NPHP4: variants seen among roughly 807,000 people sequenced by gnomAD.
NPHP4 encodes the protein nephrocystin 4.
NPHP4 carries 151 observed loss-of-function variants against 155.8 expected under a neutral mutation model. The ratio of observed to expected loss-of-function variants is 0.97; its 90% CI spans 0.85 to 1.11. The LOEUF (loss-of-function observed/expected upper bound fraction) is 1.11. NPHP4 is among the 50% of genes least tolerant of loss of function. NPHP4 has a pLI of 0.00. For synonymous variants in NPHP4, 845 were observed against 816.8 expected, an observed-to-expected ratio of 1.03 and a Z score of -0.59; for missense variants, 1,956 against 1,925.7, an observed-to-expected ratio of 1.02 and a Z score of -0.29.
intron 3 of NPHP4, among the ~76,000 whole-genome samples, chr1:5,974,173 A>C (rs1304279246): frequency 6.6e-6 from 1 of 152,210 alleles, no homozygotes; most frequent in Non-Finnish European, 1.5e-5. Context: ...GCCGCTCAAG[A>C]GGGGCTTTCT....
intron 29 of NPHP4, 96 bp from the exon 30 acceptor site, chr1:5,863,501 A>T: frequency 6.8e-7 from 1 of 1,480,136 alleles, no homozygotes; most frequent in Non-Finnish European, 9.3e-7. Flanking sequence ...TTCCAAGGGG[A>T]GCTGACAAGG....
chr1:5,961,048 T>C (rs752826151), intron 6 of NPHP4, among the ~76,000 whole-genome samples: 4 of 152,184 alleles, frequency 2.6e-5, no homozygotes, highest in Admixed American at 6.5e-5. Flanking sequence ...CACTATAACA[T>C]GGATGAACCT....
chr1:5,875,069 C>T lies in NPHP4; in HGVS notation c.2849G>A (p.Arg950Gln), dbSNP rs762546912. The part of the protein sequence containing the change: ...AQQSVRTQHL[R>Q]DLQVIAAYRE... ...GTAGGCGGCGATGACCTGTAGGTCC[C>T]GCAAGTGCTGTGTGCGGACGCTCTG... The change falls in exon 21 of 30, where the codon CGG (arginine) becomes CAG (glutamine). Residue 950 changes from arginine (R) to glutamine (Q), a missense_variant. Coordinates refer to ENST00000378156, the MANE Select transcript of NPHP4 (RefSeq NM_015102.5). The T allele has an allele frequency of 8.4e-5, 135 of 1,606,794 alleles. 1 individual carries two copies. Among genetic ancestry groups the T allele is most frequent in the East Asian group, 4.7e-4 (21 of 44,858 alleles).
At chr1:5,888,452 C>A in intron 17 of NPHP4, 1 of 1,158,608 alleles carries the variant, frequency 8.6e-7, no homozygotes, top group Non-Finnish European at 1.1e-6. Context: ...GGGAGTGAGA[C>A]GCCAGACCTG....
At chr1:5,893,796 G>T (rs1292900094) in intron 16 of NPHP4, among the ~76,000 whole-genome samples, 1 of 152,168 alleles carries the variant, frequency 6.6e-6, no homozygotes, top group African/African-American at 2.4e-5. Context: ...TTTCGCTACC[G>T]CTAGACCATG....
rs191244549 is a variant in NPHP4, at chr1:5,942,479, C to G, written c.1119+4625G>C. Among the ~76,000 whole-genome samples the G allele has an allele frequency of 6.8e-3, 933 of 136,764 alleles. 4 individuals are homozygous for G. The highest frequency in any genetic ancestry group is 0.027 in the Middle Eastern group (6 of 226). 89.7% of individuals were successfully genotyped at this position (136,764 alleles called of 152,430 possible). A position where few individuals can be genotyped will look rare whatever the true frequency, so the allele number is the denominator to read the frequency against. ...TCAGGAGGCGGAGGTTGCAGTGAGC[C>G]GAGGTCGCGCCACTGCACTCCAGCC... On this transcript the variant is annotated intron_variant, in intron 9 of 29. Transcript: ENST00000378156.
At chr1:5,969,022 G>A (rs1652055967) in intron 4 of NPHP4, 65 bp downstream of exon 4, 1 of 1,032,256 alleles carries the variant, frequency 9.7e-7, no homozygotes, top group East Asian at 2.8e-5. Context: ...GTGAGAATCT[G>A]TCTCAAAAAA....
Position 5,905,843 on chromosome 1 carries a change from CGGT to C in NPHP4, c.1612-63_1612-61del. 1 of 1,512,230 alleles carries C rather than the reference CGGT, an allele frequency of 6.6e-7. No homozygotes were observed. Among genetic ancestry groups the C allele is most frequent in the East Asian group, 2.4e-5 (1 of 41,224 alleles). The allele number at this position is 1,512,230 out of a possible 1,614,324, so 93.7% of individuals were successfully genotyped here. A position where few individuals can be genotyped will look rare whatever the true frequency, so the allele number is the denominator to read the frequency against. On this transcript the variant is annotated intron_variant, in intron 13 of 29. Coordinates refer to ENST00000378156, the MANE Select transcript of NPHP4 (RefSeq NM_015102.5). This position sits in a 1 kb window ranked among gnomAD's most constrained non-coding sequence, Gnocchi z 4.0. ...AAGGACCCCAACCCGTAACAACCAACGGTGCTCAGATCTAAGGGGATTCATCGA... is the reference window on the plus strand; with the variant it reads ...AAGGACCCCAACCCGTAACAACCAACGCTCAGATCTAAGGGGATTCATCGA...
At chr1:5,893,411 T>C (rs1009277134) in intron 16 of NPHP4, among the ~76,000 whole-genome samples, 3 of 152,152 alleles carry the variant, frequency 2.0e-5, no homozygotes, top group Non-Finnish European at 2.9e-5. Flanking sequence ...GTCACGCGGG[T>C]CACGTGTCCA....
chr1:5,936,540 T>C (rs896489269), intron 9 of NPHP4, among the ~76,000 whole-genome samples: 5 of 152,052 alleles, frequency 3.3e-5, no homozygotes, highest in African/African-American at 4.8e-5. Context: ...AAGCCCCAAA[T>C]ACACCGAATT....
Position 5,867,873 on chromosome 1 carries a change from G to A in NPHP4, c.3339C>T (p.Gly1113=). ...TCAGGCAGAGCACGGCGATGGGCTT[G>A]CCACCACTCGCTCGGAACAAGACCT... ...HAKVLFRASG[G]KPIAVLCLTV... The change falls in exon 24 of 30, where the codon GGC becomes GGT. Residue 1113 remains glycine (G), a synonymous_variant. Transcript: ENST00000378156. The surrounding 1 kb of genome is among the most constrained non-coding windows in gnomAD (Gnocchi z 4.1). 6.2e-7 allele frequency: 1 copy of A among 1,613,056 alleles called. No homozygotes were observed.
chr1:5,904,688 G>T lies in NPHP4; in HGVS notation c.2072C>A (p.Ala691Asp). The change falls in exon 16 of 30, where the codon GCC becomes GAC. Residue 691 changes from alanine to aspartate, a missense_variant. By Grantham distance (126) the Ala-to-Asp change is moderately radical (BLOSUM62 -2). Coordinates refer to ENST00000378156, the MANE Select transcript of NPHP4 (RefSeq NM_015102.5). ...CAGGGCGCCAGAGCTGGGCTGGCCG[G>T]CCTCATCCAGCTGGACCAGCTGCAG... ...PRLQLVQLDE[A>D]GQPSSGALTH... 1 of 1,614,032 alleles carries T rather than the reference G, an allele frequency of 6.2e-7. No individual in the cohort carries two copies. Among genetic ancestry groups the T allele is most frequent in the Non-Finnish European group, 8.5e-7 (1 of 1,179,890 alleles).
At chr1:5,990,386 A>T (rs1044433374) in intron 1 of NPHP4, among the ~76,000 whole-genome samples, 3 of 152,144 alleles carry the variant, frequency 2.0e-5, no homozygotes, top group African/African-American at 7.2e-5. Context: ...ACAATAAAAG[A>T]GAAAATCGAG....
At chr1:5,927,061 C>G (rs937426781) in intron 11 of NPHP4, among the ~76,000 whole-genome samples, 8 of 152,258 alleles carry the variant, frequency 5.3e-5, no homozygotes, top group Non-Finnish European at 8.8e-5. Context: ...CCAAGAGGCT[C>G]TGAGCACAGG....
chr1:5,940,196 G>A (rs968710060), intron 9 of NPHP4, among the ~76,000 whole-genome samples: 1 of 152,202 alleles, frequency 6.6e-6, no homozygotes, highest in Admixed American at 6.5e-5. Context: ...GTGAGGCCAT[G>A]AGGGTGGAGT....
intron 3 of NPHP4, among the ~76,000 whole-genome samples, chr1:5,972,126 G>A (rs963421522): frequency 6.6e-6 from 1 of 152,262 alleles, no homozygotes; most frequent in Non-Finnish European, 1.5e-5. Context: ...CCTGGCACCT[G>A]CATGACATGG....
chr1:5,904,650 C>G lies in NPHP4; in HGVS notation c.2110G>C (p.Val704Leu), dbSNP rs753145756. 7 of 1,612,764 alleles carry G rather than the reference C, an allele frequency of 4.3e-6. No individual in the cohort carries two copies. The Admixed American group carries it at 1.2e-4, about 27-fold the overall frequency. ...PSSGALTHIL[V>L]PVSRDGTFDA... ...AAGGTGCCATCTCTGCTCACAGGCA[C>G]GAGGATGTGGGTCAGGGCGCCAGAG... The change falls in exon 16 of 30, where the codon GTG becomes CTG. Residue 704 changes from valine to leucine, a missense_variant. By Grantham distance (32) the Val-to-Leu change is conservative. Transcript: ENST00000378156.
intron 7 of NPHP4, among the ~76,000 whole-genome samples, chr1:5,949,700 G>A (rs891225754): frequency 1.3e-5 from 2 of 152,010 alleles, no homozygotes; most frequent in Non-Finnish European, 1.5e-5. Context: ...GCAGAGATGT[G>A]CAGGAAGAAC....
chr1:5,950,695 C>T (rs1020408275), intron 7 of NPHP4, among the ~76,000 whole-genome samples: 3 of 152,280 alleles, frequency 2.0e-5, no homozygotes, highest in African/African-American at 4.8e-5. Context: ...ACAGGAGCCA[C>T]GCCACCCCAA....
Sources: allele counts gnomAD v4.1 joint callset (sites outside exome capture counted in the v4.1 genomes callset), GRCh38; gene constraint gnomAD v4.1.1; non-coding constraint Gnocchi (gnomAD v3.1); transcripts MANE v1.5; gene names NCBI Gene and HGNC (gene_info 2026-07-23, HGNC 2026-07-21).